ARID2: variants seen among roughly 807,000 people sequenced by gnomAD.
The protein encoded by ARID2 is AT-rich interactive domain-containing protein 2.
ARID2 carries 32 observed loss-of-function variants against 184.6 expected under a neutral mutation model. The ratio of observed to expected loss-of-function variants is 0.17; its 90% CI spans 0.13 to 0.23. The LOEUF (loss-of-function observed/expected upper bound fraction) is 0.23. Among genes scored for constraint, ARID2 ranks in the 10% least tolerant of loss-of-function variants. The probability of loss-of-function intolerance (pLI) is 1.00; values close to 1 mark genes in which losing one functional copy is unlikely to be tolerated. For synonymous variants in ARID2, 836 were observed against 772.6 expected, an observed-to-expected ratio of 1.08 and a Z score of -1.36; for missense variants, 1,696 against 2,197.6, an observed-to-expected ratio of 0.77 and a Z score of 4.56.
chr12:45,884,402 A>G (rs555080833), intron 16 of ARID2, among the ~76,000 whole-genome samples: 6 of 151,976 alleles, frequency 3.9e-5, no homozygotes, highest in Non-Finnish European at 7.4e-5. Flanking sequence ...TCTCAAACAA[A>G]CAAACAAACA....
intron 15 of ARID2, among the ~76,000 whole-genome samples, 162 bp from the exon 16 acceptor site, chr12:45,860,639 T>C (rs1943726378): frequency 6.6e-6 from 1 of 152,000 alleles, no homozygotes; most frequent in African/African-American, 2.4e-5. Context: ...TCTATAAAAA[T>C]AATTTTTAAA....
chr12:45,746,659 T>A (rs140633861), intron 3 of ARID2, among the ~76,000 whole-genome samples: 279 of 152,304 alleles, frequency 1.8e-3, no homozygotes, highest in Non-Finnish European at 3.4e-3. Flanking sequence ...TCATTTTCTC[T>A]TCACACCTCC....
At chr12:45,882,541 C>T (rs76529104) in intron 16 of ARID2, among the ~76,000 whole-genome samples, 5 of 152,262 alleles carry the variant, frequency 3.3e-5, no homozygotes, top group African/African-American at 9.6e-5. Flanking sequence ...TATCTAAAGA[C>T]GAGCTGAATG....
intron 3 of ARID2, among the ~76,000 whole-genome samples, chr12:45,757,907 A>C (rs909219471): frequency 4.6e-5 from 7 of 152,214 alleles, no homozygotes; most frequent in Admixed American, 4.6e-4. Context: ...TGCTTGCTTC[A>C]ATTATCCGTT....
chr12:45,883,389 A>G (rs1019827275), intron 16 of ARID2, among the ~76,000 whole-genome samples: 1 of 151,470 alleles, frequency 6.6e-6, no homozygotes. Context: ...CATTTTTGTT[A>G]TCAAATATTT....
chr12:45,900,060 TTTTTTA>T (rs541108897), intron 20 of ARID2, among the ~76,000 whole-genome samples: 1 of 151,970 alleles, frequency 6.6e-6, no homozygotes. Context: ...TTTCTTTCTC[TTTTTTA>T]TTTTTATTTT....
intron 3 of ARID2, among the ~76,000 whole-genome samples, chr12:45,775,145 G>C (rs146223163): frequency 3.3e-5 from 5 of 152,296 alleles, no homozygotes; most frequent in African/African-American, 7.2e-5. Context: ...CATGATTCTT[G>C]CAGGTTTGAG....
At chr12:45,731,808 C>T (rs1003474989) in intron 3 of ARID2, among the ~76,000 whole-genome samples, 15 of 151,688 alleles carry the variant, frequency 9.9e-5, no homozygotes, top group Non-Finnish European at 2.9e-5. Flanking sequence ...TCCTACATGG[C>T]ATAACATGTT....
At chr12:45,822,731 A>G (rs1209285996) in intron 6 of ARID2, among the ~76,000 whole-genome samples, 1 of 152,198 alleles carries the variant, frequency 6.6e-6, no homozygotes, top group Non-Finnish European at 1.5e-5. Flanking sequence ...AAAAGAGACA[A>G]AAAAGGTAAT....
intron 16 of ARID2, among the ~76,000 whole-genome samples, chr12:45,866,214 C>A (rs1484735695): frequency 6.6e-6 from 1 of 151,684 alleles, no homozygotes; most frequent in Non-Finnish European, 1.5e-5. Flanking sequence ...TATTGAATAC[C>A]AATAATTCCC....
At chr12:45,788,061 C>A (rs1942228376) in intron 3 of ARID2, among the ~76,000 whole-genome samples, 1 of 152,092 alleles carries the variant, frequency 6.6e-6, no homozygotes, top group Non-Finnish European at 1.5e-5. Context: ...AATGGTTAAA[C>A]CTAGCTAACA....
intron 20 of ARID2, among the ~76,000 whole-genome samples, chr12:45,899,671 T>TTATATATATATATGGTTATATA (rs375466100): frequency 3.3e-4 from 15 of 45,140 alleles, no homozygotes; most frequent in East Asian, 1.8e-3. Flanking sequence ...ATATATATGG[T>TTATATATATATATGGTTATATA]TATATATGGT....
chr12:45,808,769 G>T (rs1942648963), intron 3 of ARID2, among the ~76,000 whole-genome samples: 2 of 151,972 alleles, frequency 1.3e-5, no homozygotes. Context: ...GTATGTGTGT[G>T]TGTGTGTGTT....
intron 16 of ARID2, among the ~76,000 whole-genome samples, chr12:45,877,305 G>A (rs751916926): frequency 2.6e-5 from 4 of 152,038 alleles, no homozygotes; most frequent in South Asian, 4.2e-4. Context: ...TCTGCCCCCT[G>A]TTAGATCAGT....
intron 4 of ARID2, among the ~76,000 whole-genome samples, chr12:45,812,488 T>C (rs554563724): frequency 6.6e-6 from 1 of 152,304 alleles, no homozygotes; most frequent in South Asian, 2.1e-4. Context: ...GAATCTGCGA[T>C]CTCCATTAGA....
intron 15 of ARID2, among the ~76,000 whole-genome samples, chr12:45,855,611 A>G (rs1943633133): frequency 6.6e-6 from 1 of 152,250 alleles, no homozygotes; most frequent in South Asian, 2.1e-4. Flanking sequence ...TAACTGTTCA[A>G]GATGGCGTTA....
At chr12:45,812,546 G>A (rs191274826) in intron 4 of ARID2, among the ~76,000 whole-genome samples, 1 of 152,250 alleles carries the variant, frequency 6.6e-6, no homozygotes, top group Admixed American at 6.5e-5. Context: ...GGGTGAAGCA[G>A]GGAGTGCCAA....
rs777637541 is a variant in ARID2 at position 45,860,997 on chromosome 12, A to G, written c.4922+48A>G. The G allele has an allele frequency of 2.2e-6, 3 of 1,385,518 alleles. No individual in the cohort carries two copies. In the South Asian group the frequency reaches 6.0e-5, roughly 28 times the overall value. The allele number at this position is 1,385,518 out of a possible 1,614,324, so 85.8% of individuals were successfully genotyped here. ...ATATAAAAGTATTCTTTGTTTTGGA[A>G]TGCTTTTATATTTAAGTTTCTGTCA... On this transcript the variant is annotated intron_variant, in intron 16 of 20. Transcript: ENST00000334344.
At chr12:45,816,208 A>C (rs919606407) in intron 4 of ARID2, among the ~76,000 whole-genome samples, 1 of 152,212 alleles carries the variant, frequency 6.6e-6, no homozygotes, top group Non-Finnish European at 1.5e-5. Context: ...TAAATGTTTT[A>C]AATTAATTCT....
Sources: gnomAD v4.1 joint callset for allele counts (sites outside exome capture counted in the v4.1 genomes callset) on GRCh38, gnomAD v4.1.1 for gene constraint, MANE v1.5 for transcripts, NCBI Gene and HGNC (gene_info 2026-07-23, HGNC 2026-07-21) for gene names.